The following SMG6 variants were observed in gnomAD, a reference collection of about 807,000 sequenced individuals.
The protein encoded by SMG6 is SMG6 nonsense mediated mRNA decay factor, also known as telomerase-binding protein EST1A.
A neutral mutation model predicts 142.2 loss-of-function variants in SMG6; 66 were observed. That is an observed-to-expected ratio of 0.46 (90% confidence interval 0.38 to 0.57). SMG6 has a LOEUF of 0.57. SMG6 is among the 20% of genes least tolerant of loss of function. SMG6 has a pLI of 0.00. For missense variants in SMG6, 1,793 were observed against 1,832.0 expected, an observed-to-expected ratio of 0.98 and a Z score of 0.39; for synonymous variants, 779 against 702.4, an observed-to-expected ratio of 1.11 and a Z score of -1.72.
At chr17:2,245,079 A>C (rs888680344) in intron 8 of SMG6, among the ~76,000 whole-genome samples, 2 of 152,204 alleles carry the variant, frequency 1.3e-5, no homozygotes, top group African/African-American at 2.4e-5. Context: ...ATGAAACTCT[A>C]ACAGGAGCAA....
intron 8 of SMG6, among the ~76,000 whole-genome samples, chr17:2,256,973 T>C (rs1375135593): frequency 6.6e-6 from 1 of 151,596 alleles, no homozygotes; most frequent in African/African-American, 2.4e-5. Context: ...TGTATGTATG[T>C]ATTTATTTAT....
Position 2,299,230 on chromosome 17 carries a change from T to C in SMG6, c.1523A>G (p.Tyr508Cys), listed in dbSNP as rs747279211. ...AGGGCCTGGTGTCCGGGGGTAATAA[T>C]AGGGGTTGTCAGAGTTTTGAAACTT... ...YYKFQNSDNPYYYPRTPGPAS... is the reference protein window; with the variant it reads ...YYKFQNSDNPCYYPRTPGPAS... Residue 508 changes from tyrosine to cysteine, a missense_variant, in exon 2 of 19, where the codon TAT becomes TGT. Around this residue, in one of 3 missense-constraint regions of SMG6, gnomAD observed 1,597 missense variants for 1,584.6 expected, o/e 1.01. Transcript: ENST00000263073. The surrounding 1 kb of genome is among the most constrained non-coding windows in gnomAD (Gnocchi z 4.3). 8 of 1,613,910 alleles carry C rather than the reference T, an allele frequency of 5.0e-6. No homozygotes were observed. Among genetic ancestry groups the C allele is most frequent in the African/African-American group, 1.3e-5 (1 of 74,962 alleles).
At chr17:2,251,868 G>A (rs917065484) in intron 8 of SMG6, among the ~76,000 whole-genome samples, 4 of 152,134 alleles carry the variant, frequency 2.6e-5, no homozygotes, top group Non-Finnish European at 5.9e-5. Flanking sequence ...TTGGGAGGCC[G>A]AGGCGGGCGG....
chr17:2,219,619 T>C (rs2073115364), intron 10 of SMG6, among the ~76,000 whole-genome samples: 1 of 151,782 alleles, frequency 6.6e-6, no homozygotes, highest in Non-Finnish European at 1.5e-5. Flanking sequence ...TGAGGCTTCA[T>C]CTCTGCAAAA....
chr17:2,219,484 CCTT>C (rs1310820935), intron 10 of SMG6, among the ~76,000 whole-genome samples: 1 of 151,740 alleles, frequency 6.6e-6, no homozygotes, highest in Non-Finnish European at 1.5e-5. Flanking sequence ...AGCTGATACA[CCTT>C]CTTCAAAAAG....
chr17:2,184,104 G>A (rs1308055088), intron 12 of SMG6, among the ~76,000 whole-genome samples: 1 of 152,240 alleles, frequency 6.6e-6, no homozygotes, highest in African/African-American at 2.4e-5. Flanking sequence ...GCTCACGCCT[G>A]TAATCCCTGC....
chr17:2,143,509 T>C (rs950575920), intron 13 of SMG6, among the ~76,000 whole-genome samples: 1 of 152,104 alleles, frequency 6.6e-6, no homozygotes, highest in Admixed American at 6.6e-5. Context: ...CCCATTCATA[T>C]GAAAGAAGCA....
rs564309007 is a variant in SMG6 at position 2,291,062 on chromosome 17, T to C, written c.2337+1490A>G. On this transcript the variant is annotated intron_variant, in intron 6 of 18. Coordinates refer to ENST00000263073, the MANE Select transcript of SMG6 (RefSeq NM_017575.5). The stretch of plus-strand genomic sequence containing the variant: ...TGTTCTGACACATGGCCAGGTGCGG[T>C]GGCTCACGCCTGTAATCCCAGCACT... Among the ~76,000 whole-genome samples, 669 of 152,296 alleles carry C rather than the reference T, an allele frequency of 4.4e-3. 4 individuals carry two copies. The highest frequency in any genetic ancestry group is 0.015 in the African/African-American group (609 of 41,560).
chr17:2,219,108 G>C (rs939798359), intron 10 of SMG6, among the ~76,000 whole-genome samples: 6 of 152,228 alleles, frequency 3.9e-5, no homozygotes, highest in Non-Finnish European at 1.5e-5. Context: ...AATGCAGCCA[G>C]GCACGGTGGC....
rs193089364 is a variant in SMG6, at chr17:2,182,204, G to T, written c.3155+4459C>A. Reference sequence around the variant, plus strand: ...TCGTTCCAAAACTGCAAACTGCCTAGTCCTCATTACAGATTAATAGCCTGA... The same window carrying T: ...TCGTTCCAAAACTGCAAACTGCCTATTCCTCATTACAGATTAATAGCCTGA... On this transcript the variant is annotated intron_variant, in intron 12 of 18. Coordinates refer to ENST00000263073, the MANE Select transcript of SMG6 (RefSeq NM_017575.5). Among the ~76,000 whole-genome samples, 276 of 152,322 alleles carry T rather than the reference G, an allele frequency of 1.8e-3. 2 individuals are homozygous for T. Among genetic ancestry groups the T allele is most frequent in the Non-Finnish European group, 3.6e-3 (242 of 68,032 alleles).
At chr17:2,124,097 A>C (rs1435077025) in intron 13 of SMG6, among the ~76,000 whole-genome samples, 1 of 152,162 alleles carries the variant, frequency 6.6e-6, no homozygotes, top group Non-Finnish European at 1.5e-5. Flanking sequence ...CCAGAACAAC[A>C]ACCCAGGAGA....
rs570372389 is a variant in SMG6 at position 2,194,209 on chromosome 17, T to C, written c.2870-5694A>G. On this transcript the variant is annotated intron_variant, in intron 10 of 18. Coordinates refer to ENST00000263073, the MANE Select transcript of SMG6 (RefSeq NM_017575.5). ...AGTACTGTGTGTGCTGTGCTCTACC[T>C]GGAACCACAAAGTATAGGGCCTGCA... Among the ~76,000 whole-genome samples the C allele has an allele frequency of 7.3e-4, 111 of 152,340 alleles. 2 individuals carry two copies. The highest frequency in any genetic ancestry group is 2.6e-3 in the African/African-American group (108 of 41,570).
chr17:2,156,738 T>G (rs1286015665), intron 13 of SMG6, among the ~76,000 whole-genome samples: 1 of 152,178 alleles, frequency 6.6e-6, no homozygotes, highest in Non-Finnish European at 1.5e-5. Flanking sequence ...CACTGTAGCC[T>G]CGACCTTCCA....
At chr17:2,277,948 T>C (rs1266051439) in intron 8 of SMG6, among the ~76,000 whole-genome samples, 1 of 151,982 alleles carries the variant, frequency 6.6e-6, no homozygotes, top group Non-Finnish European at 1.5e-5. Flanking sequence ...CTCAGAAGAC[T>C]AAGGCAGGAG....
intron 8 of SMG6, among the ~76,000 whole-genome samples, chr17:2,253,421 T>G (rs540771920): frequency 2.6e-5 from 4 of 152,222 alleles, no homozygotes; most frequent in Admixed American, 6.5e-5. Context: ...CTAAAATATT[T>G]ACTATCCAGA....
intron 12 of SMG6, among the ~76,000 whole-genome samples, chr17:2,174,855 C>T (rs573360822): frequency 6.6e-6 from 1 of 152,178 alleles, no homozygotes; most frequent in Non-Finnish European, 1.5e-5. Context: ...ATGGGAAACG[C>T]GGCATTCAGG....
chr17:2,195,538 G>C (rs1185277798), intron 10 of SMG6, among the ~76,000 whole-genome samples: 3 of 152,186 alleles, frequency 2.0e-5, no homozygotes, highest in Non-Finnish European at 4.4e-5. Flanking sequence ...CACATCCTTG[G>C]AAATCAGCAC....
chr17:2,143,920 C>T (rs9303251), intron 13 of SMG6, among the ~76,000 whole-genome samples: 51,411 of 151,738 alleles, frequency 0.34, 9,254 homozygotes, highest in African/African-American at 0.46. Context: ...TTAAAGTGTA[C>T]AATTTGATCA....
rs71375589 is a variant in SMG6 at position 2,114,906 on chromosome 17, A to AAAAAT, written c.3358-29010_3358-29006dup. 8.9e-3 allele frequency among the ~76,000 whole-genome samples: 551 copies of AAAAAT among 61,982 alleles called. 16 individuals are homozygous for AAAAAT. The highest frequency in any genetic ancestry group is 0.021 in the East Asian group (77 of 3,734). The allele number at this position is 61,982 out of a possible 152,430, so 40.7% of individuals were successfully genotyped here. A position where few individuals can be genotyped will look rare whatever the true frequency, so the allele number is the denominator to read the frequency against. On this transcript the variant is annotated intron_variant, in intron 13 of 18. Coordinates refer to ENST00000263073, the MANE Select transcript of SMG6 (RefSeq NM_017575.5). Reference sequence around the variant, plus strand: ...CGTGCCACTGCACTCCAGCCTGGGCAAAAATAAAATAAAATAAAATAAAAT... The same window carrying AAAAAT: ...CGTGCCACTGCACTCCAGCCTGGGCAAAAATAAAATAAAATAAAATAAAATAAAAT...
Sources: allele counts gnomAD v4.1 joint callset (sites outside exome capture counted in the v4.1 genomes callset), GRCh38; gene constraint gnomAD v4.1.1; regional missense constraint gnomAD v4.1.1; non-coding constraint Gnocchi (gnomAD v3.1); transcripts MANE v1.5; gene names NCBI Gene and HGNC (gene_info 2026-07-23, HGNC 2026-07-21).